Variants in CENPL observed in about 807,000 individuals in gnomAD.
The protein encoded by CENPL is interphase centromere complex protein 33.
In CENPL, 20 loss-of-function variants were observed where a neutral mutation model predicts 35.2. The observed-to-expected ratio is 0.57, with a 90% CI of 0.40 to 0.83. The LOEUF (loss-of-function observed/expected upper bound fraction) is 0.83, where lower values mean the gene tolerates loss of function less well. Ranked by LOEUF, CENPL falls within the 40% of genes least tolerant of loss-of-function variation. The pLI, the probability that CENPL is intolerant of heterozygous loss-of-function variation, is 0.00. For missense variants in CENPL, 363 were observed against 395.8 expected, an observed-to-expected ratio of 0.92 and a Z score of 0.70; for synonymous variants, 140 against 140.6, an observed-to-expected ratio of 1.00 and a Z score of 0.03.
intron 2 of CENPL, among the ~76,000 whole-genome samples, chr1:173,819,328 G>A (rs1182822983): frequency 6.6e-6 from 1 of 152,120 alleles, no homozygotes; most frequent in Non-Finnish European, 1.5e-5. Flanking sequence ...AGTGGCTCAC[G>A]CCTGTAATCC....
chr1:173,807,315 G>A lies in CENPL; in HGVS notation c.372C>T (p.Leu124=). The A allele has an allele frequency of 1.2e-6, 2 of 1,613,292 alleles. No homozygotes were observed. Among genetic ancestry groups the A allele is most frequent in the Middle Eastern group, 1.7e-4 (1 of 6,058 alleles). The change falls in exon 4 of 6, where the codon CTC becomes CTT. Residue 124 remains leucine, a synonymous_variant. Transcript: ENST00000682279. ...CCCTTTGTGTTCCTTTCATTCCTAGGAGAGTAGAAAAAATCACTTTGATGT... is the reference window on the plus strand; with the variant it reads ...CCCTTTGTGTTCCTTTCATTCCTAGAAGAGTAGAAAAAATCACTTTGATGT... ...DFNIKVIFST[L]LGMKGTQRDP...
intron 3 of CENPL, among the ~76,000 whole-genome samples, chr1:173,808,133 C>A (rs1457462625): frequency 6.6e-6 from 1 of 152,070 alleles, no homozygotes; most frequent in Non-Finnish European, 1.5e-5. Context: ...TTGGGCCAGG[C>A]ACAGTGGCTG....
chr1:173,805,576 T>C (rs917423162), intron 4 of CENPL, among the ~76,000 whole-genome samples: 3 of 152,016 alleles, frequency 2.0e-5, no homozygotes, highest in Non-Finnish European at 2.9e-5. Context: ...AAGTCTTTTC[T>C]AGCCTCCCTT....
At chr1:173,823,361 C>T (rs1557850733) in intron 2 of CENPL, 1 of 149,876 alleles carries the variant, frequency 6.7e-6, no homozygotes, top group Non-Finnish European at 1.5e-5. Context: ...TTCCAAAATC[C>T]AACATTCTGC....
chr1:173,811,323 A>G lies in CENPL; in HGVS notation c.-7-17T>C. ...ATGGTCTGTCTGCATAAGAAGAAAC[A>G]AAACCAGAATTCTAAGCACTAAAAA... On this transcript the variant is annotated splice_polypyrimidine_tract_variant and intron_variant, in intron 2 of 5. Coordinates refer to ENST00000682279, the MANE Select transcript of CENPL (RefSeq NM_001387287.1). 1.3e-6 allele frequency: 2 copies of G among 1,555,994 alleles called. No individual in the cohort carries two copies. Among genetic ancestry groups the G allele is most frequent in the Non-Finnish European group, 1.8e-6 (2 of 1,139,552 alleles).
intron 4 of CENPL, among the ~76,000 whole-genome samples, chr1:173,803,903 C>T (rs948008194): frequency 7.9e-5 from 12 of 152,256 alleles, no homozygotes; most frequent in African/African-American, 2.9e-4. Context: ...AACCTCTGAC[C>T]TCAGGTGATC....
At chr1:173,814,153 C>T (rs1651124187) in intron 2 of CENPL, among the ~76,000 whole-genome samples, 1 of 152,064 alleles carries the variant, frequency 6.6e-6, no homozygotes, top group Non-Finnish European at 1.5e-5. Context: ...TATATATGCA[C>T]CCAATACAGG....
chr1:173,820,680 G>A (rs1395240322), intron 2 of CENPL, among the ~76,000 whole-genome samples: 1 of 152,008 alleles, frequency 6.6e-6, no homozygotes, highest in African/African-American at 2.4e-5. Context: ...CAACTCAGTG[G>A]GTGAATGATA....
intron 2 of CENPL, among the ~76,000 whole-genome samples, chr1:173,812,272 G>T (rs1175819166): frequency 6.6e-6 from 1 of 152,276 alleles, no homozygotes; most frequent in Non-Finnish European, 1.5e-5. Context: ...AGAAACGTCT[G>T]CAGACTTAAA....
chr1:173,801,560 C>T (rs1649752760), intron 5 of CENPL, among the ~76,000 whole-genome samples: 3 of 151,074 alleles, frequency 2.0e-5, no homozygotes, highest in Non-Finnish European at 4.4e-5. Context: ...GTGGCTCATG[C>T]CTGTAATCCC....
chr1:173,807,309 T>G lies in CENPL; in HGVS notation c.378A>C (p.Gly126=), dbSNP rs1258156726. The change falls in exon 4 of 6, where the codon GGA becomes GGC. Residue 126 remains glycine (G), a synonymous_variant. Coordinates refer to ENST00000682279, the MANE Select transcript of CENPL (RefSeq NM_001387287.1). ...NIKVIFSTLL[G]MKGTQRDPEA... is the part of the protein sequence containing the mutation. ...CCGGGTCCCTTTGTGTTCCTTTCATTCCTAGGAGAGTAGAAAAAATCACTT... is the reference window on the plus strand; with the variant it reads ...CCGGGTCCCTTTGTGTTCCTTTCATGCCTAGGAGAGTAGAAAAAATCACTT... 1.2e-6 allele frequency: 2 copies of G among 1,613,158 alleles called. No individual in the cohort carries two copies. Among genetic ancestry groups the G allele is most frequent in the East Asian group, 2.2e-5 (1 of 44,850 alleles).
chr1:173,814,995 A>G (rs1273552555), intron 2 of CENPL, among the ~76,000 whole-genome samples: 4 of 152,242 alleles, frequency 2.6e-5, no homozygotes, highest in Admixed American at 2.0e-4. Context: ...AAAAAATGCT[A>G]AAGGGAATAT....
chr1:173,810,307 T>C (rs1287602182), intron 3 of CENPL, among the ~76,000 whole-genome samples: 2 of 151,926 alleles, frequency 1.3e-5, no homozygotes, highest in Non-Finnish European at 2.9e-5. Flanking sequence ...GGGAGCTAAA[T>C]GATGAGAACA....
chr1:173,818,716 T>C (rs994532471), intron 2 of CENPL, among the ~76,000 whole-genome samples: 5 of 152,182 alleles, frequency 3.3e-5, no homozygotes, highest in African/African-American at 1.2e-4. Flanking sequence ...CCAGCACACA[T>C]AGCTTTCCTC....
intron 4 of CENPL, among the ~76,000 whole-genome samples, chr1:173,804,494 GGGAA>G (rs1428697314): frequency 6.6e-6 from 1 of 152,150 alleles, no homozygotes; most frequent in Non-Finnish European, 1.5e-5. Flanking sequence ...CTCTGATTCG[GGGAA>G]GGAAGGGGGA....
In CENPL at chr1:173,800,384, C is replaced by T; in HGVS notation, c.*64G>A. 1 of 679,300 alleles carries T rather than the reference C, an allele frequency of 1.5e-6. No homozygotes were observed. Among genetic ancestry groups the T allele is most frequent in the Non-Finnish European group, 2.7e-6 (1 of 375,508 alleles). 42.1% of individuals were successfully genotyped at this position (679,300 alleles called of 1,614,324 possible). ...CTATTTCTCCTGCAGTCTCTTTCAG[C>T]ATAGCAATTAGGCAAGTTATCAATA... On this transcript the variant is annotated 3_prime_UTR_variant, in exon 6 of 6. Transcript: ENST00000682279.
rs367802570 is a variant in CENPL, at chr1:173,807,533, C to A, written c.169-15G>T. On this transcript the variant is annotated splice_polypyrimidine_tract_variant and intron_variant, in intron 3 of 5. Transcript: ENST00000682279. ...TCAACATCTTCCTATAAAAAAAAATCAAGACAAAAGAAGTTTAAGAATTAG... is the reference window on the plus strand; with the variant it reads ...TCAACATCTTCCTATAAAAAAAAATAAAGACAAAAGAAGTTTAAGAATTAG... The A allele has an allele frequency of 1.4e-6, 2 of 1,477,780 alleles. No individual in the cohort carries two copies. Among genetic ancestry groups the A allele is most frequent in the South Asian group, 1.5e-5 (1 of 67,526 alleles). The allele number at this position is 1,477,780 out of a possible 1,614,324, so 91.5% of individuals were successfully genotyped here. A position where few individuals can be genotyped will look rare whatever the true frequency, so the allele number is the denominator to read the frequency against.
In CENPL at chr1:173,807,285, C is replaced by A. The variant is rs765878762; in HGVS notation, c.402G>T (p.Pro134=). ...ATTATACCTGGACAAGAAATGCTTC[C>A]GGGTCCCTTTGTGTTCCTTTCATTC... The part of the protein sequence containing the change: ...LLGMKGTQRD[P]EAFLVQIVSK... The change falls in exon 4 of 6, where the codon CCG becomes CCT. Residue 134 remains proline, a synonymous_variant. Coordinates refer to ENST00000682279, the MANE Select transcript of CENPL (RefSeq NM_001387287.1). 4.4e-6 allele frequency: 7 copies of A among 1,607,006 alleles called. No individual in the cohort carries two copies. The highest frequency in any genetic ancestry group is 1.7e-4 in the Middle Eastern group (1 of 6,020).
chr1:173,807,199 A>G (rs1401770378), intron 4 of CENPL, 68 bp downstream of exon 4: 1 of 1,348,016 alleles, frequency 7.4e-7, no homozygotes, highest in East Asian at 2.4e-5. Flanking sequence ...ATATCTAATT[A>G]TTATAGTTTA....
Sources: gnomAD v4.1 joint callset for allele counts (sites outside exome capture counted in the v4.1 genomes callset) on GRCh38, gnomAD v4.1.1 for gene constraint, MANE v1.5 for transcripts, NCBI Gene and HGNC (gene_info 2026-07-23, HGNC 2026-07-21) for gene names.